Variants in RFC3 observed in about 807,000 individuals in gnomAD.
RFC3 encodes the protein replication factor C subunit 3.
RFC3 carries 41 observed loss-of-function variants against 45.1 expected under a neutral mutation model. The observed-to-expected ratio is 0.91, with a 90% CI of 0.71 to 1.18. The LOEUF is 1.18. Among genes scored for constraint, RFC3 ranks in the 50% most tolerant of loss-of-function variants. The probability of loss-of-function intolerance (pLI) is 0.00; values close to 1 mark genes in which losing one functional copy is unlikely to be tolerated. For missense variants in RFC3, 423 were observed against 428.1 expected (o/e 0.99, Z 0.10); for synonymous variants, 149 against 144.0 (o/e 1.03, Z -0.25).
At chr13:33,854,106 G>A (rs2082294391) in intron 8 of RFC3, among the ~76,000 whole-genome samples, 1 of 152,192 alleles carries the variant, frequency 6.6e-6, no homozygotes, top group Admixed American at 6.6e-5. Flanking sequence ...CAGAGACCAA[G>A]TTCAGGTTTT....
intron 8 of RFC3, among the ~76,000 whole-genome samples, chr13:33,900,424 G>A (rs1272112227): frequency 6.6e-6 from 1 of 151,538 alleles, no homozygotes; most frequent in Non-Finnish European, 1.5e-5. Flanking sequence ...AATGTACAAT[G>A]GAAAAAAGGA....
rs114795302 is a variant in RFC3, at chr13:33,898,594, A to G, written c.879+63377A>G. Reference sequence around the variant, plus strand: ...ATAAACAACTTAATGATGTACCTCAATGTACTAGGGAGGTAGAACAAATCA... The same window carrying G: ...ATAAACAACTTAATGATGTACCTCAGTGTACTAGGGAGGTAGAACAAATCA... On this transcript the variant is annotated intron_variant, in intron 8 of 8. Transcript: ENST00000434425. Among the ~76,000 whole-genome samples the G allele has an allele frequency of 1.2e-3, 179 of 152,054 alleles. 1 individual carries two copies. The highest frequency in any genetic ancestry group is 4.2e-3 in the African/African-American group (175 of 41,558).
chr13:33,844,169 T>C (rs1486425399), intron 8 of RFC3, among the ~76,000 whole-genome samples: 3 of 152,226 alleles, frequency 2.0e-5, no homozygotes, highest in Non-Finnish European at 4.4e-5. Context: ...CAAGCTCTCT[T>C]GTTCTCTCTT....
chr13:33,839,715 A>T (rs571401483), downstream of RFC3, among the ~76,000 whole-genome samples: 1 of 152,228 alleles, frequency 6.6e-6, no homozygotes, highest in Non-Finnish European at 1.5e-5. Context: ...GCTTTTGTAG[A>T]CTCAAATTTC....
chr13:33,827,465 TTATTAA>T (rs911155665), intron 4 of RFC3, among the ~76,000 whole-genome samples: 8 of 152,210 alleles, frequency 5.3e-5, no homozygotes, highest in East Asian at 1.9e-4. Context: ...CCTCAATCTG[TTATTAA>T]TATTATAAGA....
chr13:33,973,584 AT>A, the RFC3 span, among the ~76,000 whole-genome samples: 2 of 151,464 alleles, frequency 1.3e-5, no homozygotes, highest in Admixed American at 1.3e-4. Context: ...TATAAAAGTC[AT>A]TTTCAACTCC....
At chr13:33,833,640 G>A (rs2082123892) in intron 7 of RFC3, among the ~76,000 whole-genome samples, 1 of 152,100 alleles carries the variant, frequency 6.6e-6, no homozygotes, top group Non-Finnish European at 1.5e-5. Context: ...TACTTCAATT[G>A]TATAGGTAAC....
At chr13:33,888,316 C>G (rs1012752036) in intron 8 of RFC3, among the ~76,000 whole-genome samples, 2 of 152,166 alleles carry the variant, frequency 1.3e-5, no homozygotes, top group African/African-American at 4.8e-5. Flanking sequence ...GTTTACTGAA[C>G]TCTTACTCAC....
intron 8 of RFC3, among the ~76,000 whole-genome samples, chr13:33,958,330 A>G (rs916695266): frequency 6.6e-5 from 10 of 152,216 alleles, no homozygotes; most frequent in Admixed American, 4.6e-4. Flanking sequence ...GTACAGCTGT[A>G]GCTTTTGAAT....
At chr13:33,952,476 C>G (rs1345967062) in intron 8 of RFC3, among the ~76,000 whole-genome samples, 1 of 152,182 alleles carries the variant, frequency 6.6e-6, no homozygotes, top group East Asian at 1.9e-4. Context: ...TTAGCCAGTT[C>G]TGAATCTCAG....
At chr13:33,855,099 G>GA (rs958094588) in intron 8 of RFC3, among the ~76,000 whole-genome samples, 3 of 151,792 alleles carry the variant, frequency 2.0e-5, no homozygotes, top group East Asian at 1.9e-4. Flanking sequence ...CAACAGGCAA[G>GA]AAAAAAAAGG....
intron 8 of RFC3, among the ~76,000 whole-genome samples, chr13:33,959,413 C>T (rs956425130): frequency 3.3e-5 from 5 of 152,128 alleles, no homozygotes; most frequent in Admixed American, 3.3e-4. Context: ...ACACAAATGA[C>T]GATTTTGAAC....
chr13:33,973,623 T>TTCTCCC, the RFC3 span, among the ~76,000 whole-genome samples: 2 of 151,606 alleles, frequency 1.3e-5, no homozygotes, highest in African/African-American at 2.4e-5. Context: ...CTCCTTCTCC[T>TTCTCCC]TCTCCCTCTC....
chr13:33,887,274 C>A (rs1334696455), intron 8 of RFC3, among the ~76,000 whole-genome samples: 3 of 150,428 alleles, frequency 2.0e-5, no homozygotes, highest in African/African-American at 4.9e-5. Flanking sequence ...GTTCCTATTT[C>A]TCCACATCCT....
intron 8 of RFC3, chr13:33,849,112 A>G (rs1212843708): frequency 6.6e-6 from 1 of 152,462 alleles, no homozygotes; most frequent in Non-Finnish European, 1.5e-5. Context: ...AAAATATTCT[A>G]TGTCATGTGT....
intron 8 of RFC3, among the ~76,000 whole-genome samples, chr13:33,885,839 G>C (rs1344430359): frequency 1.3e-5 from 2 of 152,028 alleles, no homozygotes; most frequent in Non-Finnish European, 2.9e-5. Context: ...CTACCCCAGA[G>C]CTCCACCAGC....
At chr13:33,960,802 A>T (rs2083052151) in intron 8 of RFC3, among the ~76,000 whole-genome samples, 1 of 152,142 alleles carries the variant, frequency 6.6e-6, no homozygotes, top group African/African-American at 2.4e-5. Context: ...GACCCAGGTG[A>T]CCCTGAACAT....
chr13:33,891,654 C>G (rs903533862), intron 8 of RFC3, among the ~76,000 whole-genome samples: 1 of 151,974 alleles, frequency 6.6e-6, no homozygotes, highest in Admixed American at 6.6e-5. Context: ...CATCAATGAA[C>G]AACAACAAAA....
downstream of RFC3, among the ~76,000 whole-genome samples, chr13:33,842,283 G>T (rs1160505077): frequency 6.6e-6 from 1 of 150,630 alleles, no homozygotes; most frequent in East Asian, 1.9e-4. Context: ...GCAAGAGCCT[G>T]TCTCAGGAAA....
Sources: allele counts gnomAD v4.1 joint callset (sites outside exome capture counted in the v4.1 genomes callset), GRCh38; gene constraint gnomAD v4.1.1; transcripts MANE v1.5; gene names NCBI Gene and HGNC (gene_info 2026-07-23, HGNC 2026-07-21).